The following AHR variants were observed in gnomAD, a reference collection of about 807,000 sequenced individuals.
AHR encodes aryl hydrocarbon receptor, also known as AH-receptor.
In AHR, 40 loss-of-function variants were observed where a neutral mutation model predicts 86.8. That is an observed-to-expected ratio of 0.46 (90% confidence interval 0.36 to 0.60). The LOEUF is 0.60. Ranked by LOEUF, AHR falls within the 20% of genes least tolerant of loss-of-function variation. AHR has a pLI of 0.00. For synonymous variants in AHR, 398 were observed against 354.9 expected (o/e 1.12, Z -1.37); for missense variants, 1,001 against 1,011.6 (o/e 0.99, Z 0.14).
chr7:17,335,129 T>C (rs537797986), intron 8 of AHR, 133 bp downstream of exon 8: 35 of 571,526 alleles, frequency 6.1e-5, no homozygotes, highest in African/African-American at 1.1e-4. Context: ...CATATCATTA[T>C]GATTAACCAG....
chr7:17,326,405 G>T (rs373664529), intron 3 of AHR, among the ~76,000 whole-genome samples: 1 of 152,052 alleles, frequency 6.6e-6, no homozygotes, highest in East Asian at 1.9e-4. Flanking sequence ...TAAGCACTAG[G>T]GCAAAGACTT....
intron 9 of AHR, among the ~76,000 whole-genome samples, 165 bp from the exon 10 acceptor site, chr7:17,338,821 A>G (rs1384171148): frequency 2.0e-5 from 3 of 152,182 alleles, no homozygotes; most frequent in African/African-American, 2.4e-5. Context: ...CTGAAAAACA[A>G]TTTTATAGCA....
chr7:17,341,229 T>C (rs1431861701), intron 10 of AHR, among the ~76,000 whole-genome samples: 1 of 152,162 alleles, frequency 6.6e-6, no homozygotes, highest in Non-Finnish European at 1.5e-5. Flanking sequence ...TTTCATACAT[T>C]TTGCTTGTCT....
In AHR at chr7:17,299,247, C is replaced by T. The variant is rs1232005805; in HGVS notation, c.-18C>T. 1.9e-6 allele frequency: 3 copies of T among 1,609,310 alleles called. No individual in the cohort carries two copies. The highest frequency in any genetic ancestry group is 4.5e-5 in the East Asian group (2 of 44,550). ...CCGCCAGTGCCCGGGGAGTAGCCGCCGCCGTCGGCTGGGCACCATGAACAG... is the reference window on the plus strand; with the variant it reads ...CCGCCAGTGCCCGGGGAGTAGCCGCTGCCGTCGGCTGGGCACCATGAACAG... On this transcript the variant is annotated 5_prime_UTR_variant, in exon 1 of 11. Coordinates refer to ENST00000242057, the MANE Select transcript of AHR (RefSeq NM_001621.5).
intron 2 of AHR, among the ~76,000 whole-genome samples, chr7:17,311,041 G>C (rs1169390485): frequency 6.6e-6 from 1 of 152,184 alleles, no homozygotes; most frequent in Non-Finnish European, 1.5e-5. Context: ...GGGGTTTTGA[G>C]CTAGGCAGCT....
At chr7:17,306,148 A>C (rs1298935258) in intron 1 of AHR, among the ~76,000 whole-genome samples, 1 of 138,054 alleles carries the variant, frequency 7.2e-6, no homozygotes, top group Non-Finnish European at 1.7e-5. Context: ...TTATATTTCA[A>C]ACAGGCTTTT....
Position 17,334,112 on chromosome 7 carries a change from CAAGT to C in AHR, c.908+3_908+6del, listed in dbSNP as rs1782329926. 2 of 1,610,566 alleles carry C rather than the reference CAAGT, an allele frequency of 1.2e-6. No individual in the cohort carries two copies. Among genetic ancestry groups the C allele is most frequent in the Non-Finnish European group, 1.7e-6 (2 of 1,177,322 alleles). On this transcript the variant is annotated splice_donor_variant and coding_sequence_variant, in exon 7 of 11. Transcript: ENST00000242057. LOFTEE classifies it high-confidence loss of function. ...ACTTCACACCTATTGGTTGTGATGC[CAAGT>C]AAGTGAGACTTTTTCACTTTTATTT...
chr7:17,317,458 T>C (rs895996007), intron 2 of AHR, among the ~76,000 whole-genome samples: 3 of 152,124 alleles, frequency 2.0e-5, no homozygotes, highest in African/African-American at 7.2e-5. Context: ...TGCTTCAGCT[T>C]TTGTGTTTGT....
intron 7 of AHR, 88 bp downstream of exon 7, chr7:17,334,202 T>C: frequency 8.7e-7 from 1 of 1,149,404 alleles, no homozygotes; most frequent in South Asian, 1.4e-5. Flanking sequence ...ACAGTGTATG[T>C]AATATTGTTT....
At chr7:17,336,879 A>G (rs570361881) in intron 9 of AHR, among the ~76,000 whole-genome samples, 3 of 151,962 alleles carry the variant, frequency 2.0e-5, no homozygotes, top group South Asian at 2.1e-4. Flanking sequence ...TCTATTTTAT[A>G]CATTTGTTTT....
intron 1 of AHR, among the ~76,000 whole-genome samples, chr7:17,304,544 G>A (rs970240180): frequency 6.6e-6 from 1 of 152,060 alleles, no homozygotes; most frequent in Non-Finnish European, 1.5e-5. Flanking sequence ...GAAGAGAAGG[G>A]TAGTTGCAGA....
At chr7:17,324,670 C>CT (rs1450931165) in intron 3 of AHR, among the ~76,000 whole-genome samples, 1 of 151,764 alleles carries the variant, frequency 6.6e-6, no homozygotes, top group Non-Finnish European at 1.5e-5. Context: ...GGTGTGGTGG[C>CT]GGGTGCCTGT....
Position 17,322,581 on chromosome 7 carries a change from T to G in AHR, c.334T>G (p.Leu112Val), listed in dbSNP as rs1346353163. 3.1e-6 allele frequency: 5 copies of G among 1,611,416 alleles called. No homozygotes were observed. In the South Asian group the frequency reaches 4.4e-5, roughly 14 times the overall value. Residue 112 changes from leucine (L) to valine (V), a missense_variant, in exon 3 of 11, where the codon TTA becomes GTA. Around this residue, in one of 2 missense-constraint regions of AHR, gnomAD observed 394 missense variants for 468.5 expected, o/e 0.84. Transcript: ENST00000242057. Reference protein sequence around the residue: ...RAANFREGLNLQEGEFLLQAL... With the variant: ...RAANFREGLNVQEGEFLLQAL... ...AGCAAATTTCAGAGAAGGCCTGAAC[T>G]TACAAGAAGGAGAATTCTTATTACA... is the stretch of plus-strand genomic sequence containing the variant.
In AHR at chr7:17,339,004, G is replaced by A; in HGVS notation, c.1179G>A (p.Glu393=). ...QRPLTDEEGT[E]HLRKRNTKLP... ...ATTTTAGAGATGAGGAAGGAACAGA[G>A]CATTTACGAAAACGAAATACGAAGT... Residue 393 remains glutamate, a synonymous_variant, in exon 10 of 11, where the codon GAG becomes GAA. Coordinates refer to ENST00000242057, the MANE Select transcript of AHR (RefSeq NM_001621.5). 2 of 1,613,618 alleles carry A rather than the reference G, an allele frequency of 1.2e-6. No individual in the cohort carries two copies. The highest frequency in any genetic ancestry group is 1.7e-6 in the Non-Finnish European group (2 of 1,179,678).
intron 10 of AHR, among the ~76,000 whole-genome samples, chr7:17,342,146 A>T (rs111914258): frequency 3.3e-5 from 5 of 152,262 alleles, no homozygotes; most frequent in African/African-American, 1.2e-4. Context: ...TAAGGATATG[A>T]TTTTAATCTG....
chr7:17,305,258 G>A (rs555064790), intron 1 of AHR, among the ~76,000 whole-genome samples: 22 of 152,096 alleles, frequency 1.4e-4, no homozygotes, highest in African/African-American at 5.1e-4. Flanking sequence ...ATGAAGTTGG[G>A]GTCTATTTGT....
chr7:17,313,118 T>C (rs1045885449), intron 2 of AHR, among the ~76,000 whole-genome samples: 5 of 151,964 alleles, frequency 3.3e-5, no homozygotes, highest in African/African-American at 1.2e-4. Flanking sequence ...AGATGGAAAA[T>C]GAAAATAATA....
chr7:17,305,546 A>G (rs550109309), intron 1 of AHR, among the ~76,000 whole-genome samples: 40 of 152,138 alleles, frequency 2.6e-4, no homozygotes, highest in Non-Finnish European at 4.6e-4. Flanking sequence ...GCACAGGGTC[A>G]GGTACAGGGA....
intron 7 of AHR, among the ~76,000 whole-genome samples, chr7:17,334,336 A>G (rs538981708): frequency 6.6e-6 from 1 of 152,126 alleles, no homozygotes; most frequent in East Asian, 1.9e-4. Flanking sequence ...TGATGTTCTT[A>G]TATATTAGTA....
Sources: allele counts gnomAD v4.1 joint callset (sites outside exome capture counted in the v4.1 genomes callset), GRCh38; gene constraint gnomAD v4.1.1; regional missense constraint gnomAD v4.1.1; transcripts MANE v1.5; gene names NCBI Gene and HGNC (gene_info 2026-07-23, HGNC 2026-07-21).